Variants in RBFOX1 observed in about 807,000 individuals in gnomAD.
RBFOX1 encodes RNA binding protein fox-1 homolog 1.
Under a neutral mutation model 57.7 loss-of-function variants are expected in RBFOX1, and 8 were observed. That is an observed-to-expected ratio of 0.14 (90% CI 0.08 to 0.25). RBFOX1 has a LOEUF of 0.25. Ranked by LOEUF, RBFOX1 falls within the 10% of genes least tolerant of loss-of-function variation. The pLI, the probability that RBFOX1 is intolerant of heterozygous loss-of-function variation, is 1.00. For synonymous variants in RBFOX1, 326 were observed against 222.4 expected (o/e 1.47, Z -4.15); for missense variants, 611 against 548.5 (o/e 1.11, Z -1.14).
chr16:6,076,660 A>G (rs1011415763), intron 1 of RBFOX1, among the ~76,000 whole-genome samples: 1 of 152,136 alleles, frequency 6.6e-6, no homozygotes, highest in Non-Finnish European at 1.5e-5. Context: ...GTTATGTATA[A>G]GGAAGAACAC....
chr16:5,821,197 GC>G (rs978637078), intron 3 of RBFOX1, among the ~76,000 whole-genome samples: 31 of 152,196 alleles, frequency 2.0e-4, no homozygotes, highest in African/African-American at 7.2e-4. Context: ...AACATGGGGG[GC>G]TGCCTCAGAT....
At chr16:5,672,670 T>TC (rs1349805648) in intron 3 of RBFOX1, among the ~76,000 whole-genome samples, 1 of 152,232 alleles carries the variant, frequency 6.6e-6, no homozygotes, top group African/African-American at 2.4e-5. Flanking sequence ...TGATTTTTTT[T>TC]CTTTTATAAC....
At chr16:6,518,878 C>T (rs57519380) in intron 2 of RBFOX1, among the ~76,000 whole-genome samples, 4,390 of 151,828 alleles carry the variant, frequency 0.029, 140 homozygotes, top group African/African-American at 0.073. Flanking sequence ...AAACGTGCCC[C>T]GTTCTTCCCT....
chr16:6,527,613 A>G (rs780496490), intron 2 of RBFOX1, among the ~76,000 whole-genome samples: 9 of 152,190 alleles, frequency 5.9e-5, no homozygotes, highest in Non-Finnish European at 7.3e-5. Context: ...TGCACCTGCA[A>G]TGATGTGGAA....
chr16:6,106,341 A>G lies in RBFOX1; in HGVS notation c.-127+86349A>G, dbSNP rs376567497. On this transcript the variant is annotated intron_variant, in intron 1 of 15. Coordinates refer to ENST00000550418, the MANE Select transcript of RBFOX1 (RefSeq NM_018723.4). ...TCAGGCTTGATGACAGGTGTCTGTA[A>G]TATCAGCTACTCCACTAGGGAGGCT... 1.8e-4 allele frequency among the ~76,000 whole-genome samples: 27 copies of G among 151,958 alleles called. No homozygotes were observed. The East Asian group carries it at 3.7e-3, about 21-fold the overall frequency.
At chr16:7,662,386 C>A (rs2067987238) in intron 12 of RBFOX1, among the ~76,000 whole-genome samples, 1 of 152,176 alleles carries the variant, frequency 6.6e-6, no homozygotes, top group Non-Finnish European at 1.5e-5. Flanking sequence ...AAATCAGAGA[C>A]AAACCTCAGA....
chr16:5,295,808 A>G (rs139254491), intron 1 of RBFOX1, among the ~76,000 whole-genome samples: 21 of 152,286 alleles, frequency 1.4e-4, no homozygotes, highest in African/African-American at 4.3e-4. Flanking sequence ...AACAGGGAAG[A>G]GGTTGTACAA....
intron 3 of RBFOX1, among the ~76,000 whole-genome samples, chr16:6,833,276 C>T (rs1287582121): frequency 6.6e-6 from 1 of 152,088 alleles, no homozygotes; most frequent in African/African-American, 2.4e-5. Flanking sequence ...AGAGATTCTC[C>T]TGCCTCAGCC....
At chr16:7,328,966 T>A (rs543055450) in intron 4 of RBFOX1, among the ~76,000 whole-genome samples, 1 of 152,214 alleles carries the variant, frequency 6.6e-6, no homozygotes, top group South Asian at 2.1e-4. Flanking sequence ...GGCTGGAAAC[T>A]TTTTTTAAAA....
At chr16:6,824,911 C>G (rs1040626116) in intron 3 of RBFOX1, among the ~76,000 whole-genome samples, 2 of 150,012 alleles carry the variant, frequency 1.3e-5, no homozygotes, top group African/African-American at 2.4e-5. Flanking sequence ...GCCATCTTCC[C>G]TAGAGGCAAC....
intron 2 of RBFOX1, among the ~76,000 whole-genome samples, chr16:6,378,213 C>T (rs1312108168): frequency 6.6e-6 from 1 of 152,244 alleles, no homozygotes; most frequent in African/African-American, 2.4e-5. Context: ...CAGCTCCCTG[C>T]AGCCTTTGAG....
At chr16:5,730,934 C>A (rs373993461) in intron 3 of RBFOX1, among the ~76,000 whole-genome samples, 1 of 148,582 alleles carries the variant, frequency 6.7e-6, no homozygotes, top group Non-Finnish European at 1.5e-5. Context: ...TCACTGGTGT[C>A]ACCATCATCA....
chr16:6,083,666 G>T (rs944629369), intron 1 of RBFOX1, among the ~76,000 whole-genome samples: 1 of 151,992 alleles, frequency 6.6e-6, no homozygotes, highest in African/African-American at 2.4e-5. Context: ...TTGTAGACAC[G>T]GGGTCTCACT....
intron 3 of RBFOX1, among the ~76,000 whole-genome samples, chr16:6,947,033 G>C (rs2079673720): frequency 6.6e-6 from 1 of 152,116 alleles, no homozygotes; most frequent in Admixed American, 6.5e-5. Context: ...CCTCTCTCCT[G>C]GCCTCAGGCT....
chr16:6,969,087 G>A (rs1473028449), intron 3 of RBFOX1, among the ~76,000 whole-genome samples: 1 of 152,058 alleles, frequency 6.6e-6, no homozygotes, highest in Admixed American at 6.6e-5. Context: ...TTACAGGAGA[G>A]ACCTTCTCCT....
At chr16:6,621,271 C>T (rs1392324157) in intron 2 of RBFOX1, among the ~76,000 whole-genome samples, 1 of 151,998 alleles carries the variant, frequency 6.6e-6, no homozygotes, top group African/African-American at 2.4e-5. Flanking sequence ...AGTATCTTGG[C>T]TAACACGGTG....
chr16:5,742,677 C>T (rs1216420564), intron 3 of RBFOX1, among the ~76,000 whole-genome samples: 1 of 152,178 alleles, frequency 6.6e-6, no homozygotes, highest in Admixed American at 6.5e-5. Context: ...ACTGGCCCAG[C>T]TGTGCAGGAC....
Position 5,451,041 on chromosome 16 carries a change from T to G in RBFOX1, c.220-16175T>G, listed in dbSNP as rs1276886504. On this transcript the variant is annotated intron_variant, in intron 1 of 2. Transcript: ENST00000585867. Reference sequence around the variant, plus strand: ...ACATGTAACCTGGTTGGCCAGTGCCTGGTACAGAGTGGGCACTCGAGGAAT... The same window carrying G: ...ACATGTAACCTGGTTGGCCAGTGCCGGGTACAGAGTGGGCACTCGAGGAAT... Among the ~76,000 whole-genome samples, 6 of 152,242 alleles carry G rather than the reference T, an allele frequency of 3.9e-5. No homozygotes were observed. The East Asian group carries it at 1.2e-3, about 29-fold the overall frequency.
chr16:5,395,756 C>G (rs780816062), intron 1 of RBFOX1, among the ~76,000 whole-genome samples: 2 of 152,206 alleles, frequency 1.3e-5, no homozygotes, highest in East Asian at 1.9e-4. Context: ...TCCCAGCAGA[C>G]TCGCATTCTT....
Sources: gnomAD v4.1 joint callset for allele counts (sites outside exome capture counted in the v4.1 genomes callset) on GRCh38, gnomAD v4.1.1 for gene constraint, MANE v1.5 for transcripts, NCBI Gene and HGNC (gene_info 2026-07-23, HGNC 2026-07-21) for gene names.